The following ATP2C2 variants were observed in gnomAD, a reference collection of about 807,000 sequenced individuals.
ATP2C2 encodes calcium-transporting ATPase type 2C member 2.
Under a neutral mutation model 110.8 loss-of-function variants are expected in ATP2C2, and 171 were observed. The observed-to-expected ratio is 1.54, with a 90% CI of 1.36 to 1.75. The LOEUF (loss-of-function observed/expected upper bound fraction) is 1.75. Among genes scored for constraint, ATP2C2 ranks in the 40% most tolerant of loss-of-function variants. The probability of loss-of-function intolerance (pLI) is 0.00; values close to 1 mark genes in which losing one functional copy is unlikely to be tolerated. For missense variants in ATP2C2, 1,963 were observed against 1,235.0 expected (o/e 1.59, Z -8.84); for synonymous variants, 804 against 508.4 (o/e 1.58, Z -7.82).
intron 1 of ATP2C2, among the ~76,000 whole-genome samples, chr16:84,381,574 C>A (rs1241331851): frequency 2.6e-5 from 4 of 151,878 alleles, no homozygotes; most frequent in Non-Finnish European, 5.9e-5. Flanking sequence ...AAGACTCTGT[C>A]CTGAAAAAAA....
At chr16:84,418,484 C>G (rs769334689) in intron 7 of ATP2C2, among the ~76,000 whole-genome samples, 12 of 152,146 alleles carry the variant, frequency 7.9e-5, no homozygotes, top group African/African-American at 2.9e-4. Flanking sequence ...ATGAAGACAA[C>G]GAATATTTTT....
At chr16:84,405,362 G>A (rs776865081) in intron 3 of ATP2C2, 118 bp downstream of exon 3, 19 of 832,564 alleles carry the variant, frequency 2.3e-5, no homozygotes, top group African/African-American at 1.5e-4. Flanking sequence ...CCCCTTTCAC[G>A]CTGCCCCAGC....
At chr16:84,371,797 C>G (rs1909970930) in intron 1 of ATP2C2, among the ~76,000 whole-genome samples, 1 of 152,166 alleles carries the variant, frequency 6.6e-6, no homozygotes, top group Non-Finnish European at 1.5e-5. Flanking sequence ...AATGTAGTGA[C>G]CACCCATCCA....
At chr16:84,410,473 A>C in intron 4 of ATP2C2, 95 bp from the exon 5 acceptor site, 1 of 1,382,846 alleles carries the variant, frequency 7.2e-7, no homozygotes, top group Admixed American at 1.7e-5. Flanking sequence ...GAAGAAAGGA[A>C]ATCAATCATT....
intron 1 of ATP2C2, among the ~76,000 whole-genome samples, chr16:84,389,420 C>T (rs1406607726): frequency 6.6e-6 from 1 of 152,194 alleles, no homozygotes; most frequent in East Asian, 1.9e-4. Context: ...GTTCATGCCT[C>T]TGGTGTCGTC....
In ATP2C2 at chr16:84,415,517, C is replaced by G. The variant is rs768610905; in HGVS notation, c.550C>G (p.Arg184Gly). The G allele has an allele frequency of 8.1e-6, 13 of 1,614,030 alleles. No individual in the cohort carries two copies. Among genetic ancestry groups the G allele is most frequent in the Admixed American group, 3.3e-5 (2 of 60,008 alleles). ...REGKLQHLLA[R>G]ELVPGDVVSL... is the part of the protein sequence containing the mutation. ...AGGAAAACTCCAGCACCTGCTTGCTCGAGAACTGGTTCCTGGTGATGTCGT... is the reference window on the plus strand; with the variant it reads ...AGGAAAACTCCAGCACCTGCTTGCTGGAGAACTGGTTCCTGGTGATGTCGT... The change falls in exon 7 of 27, where the codon CGA becomes GGA. Residue 184 changes from arginine (R) to glycine (G), a missense_variant. By Grantham distance (125) the Arg-to-Gly change is moderately radical. Transcript: ENST00000262429.
chr16:84,452,356 G>A (rs570304402), intron 18 of ATP2C2, among the ~76,000 whole-genome samples: 1 of 152,162 alleles, frequency 6.6e-6, no homozygotes, highest in Non-Finnish European at 1.5e-5. Context: ...TTCATCCGCT[G>A]TCTTCACAGG....
At chr16:84,389,420 C>G (rs1406607726) in intron 1 of ATP2C2, among the ~76,000 whole-genome samples, 1 of 152,194 alleles carries the variant, frequency 6.6e-6, no homozygotes, top group Non-Finnish European at 1.5e-5. Flanking sequence ...GTTCATGCCT[C>G]TGGTGTCGTC....
chr16:84,461,727 G>T lies in ATP2C2; in HGVS notation c.2495G>T (p.Arg832Ile). 6.2e-7 allele frequency: 1 copy of T among 1,614,156 alleles called. No homozygotes were observed. Among genetic ancestry groups the T allele is most frequent in the Non-Finnish European group, 8.5e-7 (1 of 1,180,006 alleles). Residue 832 changes from arginine to isoleucine, a missense_variant, in exon 25 of 27, where the codon AGA (arginine) becomes ATA (isoleucine). Physicochemically the swap from Arg to Ile is moderately conservative, Grantham distance 97. Transcript: ENST00000262429. ...FIFWKEMPED[R>I]ASTPRTTTMT... ...CTCACCTTCCAGATGCCTGAAGACA[G>T]AGCAAGCACTCCCCGCACCACGACG... is the stretch of plus-strand genomic sequence containing the variant.
intron 14 of ATP2C2, among the ~76,000 whole-genome samples, chr16:84,441,404 A>G (rs1427069535): frequency 6.6e-6 from 1 of 152,090 alleles, no homozygotes; most frequent in African/African-American, 2.4e-5. Context: ...CCTGTGATGA[A>G]TTTCCCCTAT....
intron 7 of ATP2C2, among the ~76,000 whole-genome samples, chr16:84,418,506 G>A (rs1199041376): frequency 1.3e-5 from 2 of 152,112 alleles, no homozygotes; most frequent in Non-Finnish European, 2.9e-5. Flanking sequence ...AGTATAACAG[G>A]TCTATGCTAA....
At chr16:84,375,471 G>A (rs1372159564) in intron 1 of ATP2C2, among the ~76,000 whole-genome samples, 1 of 151,174 alleles carries the variant, frequency 6.6e-6, no homozygotes, top group African/African-American at 2.4e-5. Context: ...AATCGGGGAG[G>A]CACATGTTGC....
chr16:84,414,635 T>C (rs1274659492), intron 6 of ATP2C2, among the ~76,000 whole-genome samples: 2 of 152,072 alleles, frequency 1.3e-5, no homozygotes, highest in Non-Finnish European at 2.9e-5. Flanking sequence ...AGCACGTGGC[T>C]GTGGGGAGAG....
chr16:84,404,965 C>T (rs560936381), intron 2 of ATP2C2, 163 bp from the exon 3 acceptor site: 91 of 727,782 alleles, frequency 1.3e-4, no homozygotes, highest in Admixed American at 9.4e-4. Context: ...TCTCTCTGCC[C>T]CATCTGCACG....
intron 11 of ATP2C2, among the ~76,000 whole-genome samples, chr16:84,437,143 T>C (rs561433532): frequency 6.6e-6 from 1 of 152,340 alleles, no homozygotes; most frequent in African/African-American, 2.4e-5. Flanking sequence ...TAATGGTTTT[T>C]AGTGTATTCA....
At chr16:84,401,659 T>G (rs1905331853) in intron 2 of ATP2C2, among the ~76,000 whole-genome samples, 1 of 152,220 alleles carries the variant, frequency 6.6e-6, no homozygotes, top group African/African-American at 2.4e-5. Context: ...GATTTATATC[T>G]GGGTTCTCTA....
chr16:84,374,292 T>C (rs1294539519), intron 1 of ATP2C2, among the ~76,000 whole-genome samples: 2 of 152,218 alleles, frequency 1.3e-5, no homozygotes, highest in Non-Finnish European at 2.9e-5. Flanking sequence ...CCTTTCTCTC[T>C]GAGCCATTGA....
Position 84,454,924 on chromosome 16 carries a change from C to T in ATP2C2, c.2087C>T (p.Thr696Met), listed in dbSNP as rs200749453. The T allele has an allele frequency of 6.9e-5, 112 of 1,613,854 alleles. No homozygotes were observed. The highest frequency in any genetic ancestry group is 2.3e-4 in the Admixed American group (14 of 59,952). ...DIGIAMGQTG[T>M]DVSKEAANMI... ...GGGATCGCCATGGGGCAGACAGGGACGGACGTCAGCAAAGAGGCCGCCAAC... is the reference window on the plus strand; with the variant it reads ...GGGATCGCCATGGGGCAGACAGGGATGGACGTCAGCAAAGAGGCCGCCAAC... Residue 696 changes from threonine to methionine, a missense_variant, in exon 21 of 27, where the codon ACG becomes ATG. Thr to Met is a moderately conservative substitution (Grantham distance 81). Coordinates refer to ENST00000262429, the MANE Select transcript of ATP2C2 (RefSeq NM_014861.4).
intron 17 of ATP2C2, 109 bp downstream of exon 17, chr16:84,448,798 C>A (rs980816307): frequency 1.4e-6 from 2 of 1,432,360 alleles, no homozygotes; most frequent in Non-Finnish European, 1.9e-6. Flanking sequence ...CCCAAGGAGT[C>A]AGGCAGCATG....
Sources: allele counts gnomAD v4.1 joint callset (sites outside exome capture counted in the v4.1 genomes callset), GRCh38; gene constraint gnomAD v4.1.1; transcripts MANE v1.5; gene names NCBI Gene and HGNC (gene_info 2026-07-23, HGNC 2026-07-21).